The following CCDC88B variants were observed in gnomAD, a reference collection of about 807,000 sequenced individuals.
CCDC88B encodes coiled-coil and HOOK domain protein 88B.
In CCDC88B, 138 loss-of-function variants were observed where a neutral mutation model predicts 183.7. The observed-to-expected ratio is 0.75, with a 90% confidence interval of 0.65 to 0.87. CCDC88B has a LOEUF of 0.87. Ranked by LOEUF, CCDC88B falls within the 40% of genes least tolerant of loss-of-function variation. The pLI, the probability that CCDC88B is intolerant of heterozygous loss-of-function variation, is 0.00. For synonymous variants in CCDC88B, 835 were observed against 867.5 expected (o/e 0.96, Z 0.66); for missense variants, 1,822 against 1,965.6 (o/e 0.93, Z 1.38).
rs2036038072 is a variant in CCDC88B, at chr11:64,344,876, G to A, written c.2335G>A (p.Ala779Thr). 6.2e-7 allele frequency: 1 copy of A among 1,602,784 alleles called. No individual in the cohort carries two copies. Among genetic ancestry groups the A allele is most frequent in the Non-Finnish European group, 8.5e-7 (1 of 1,174,766 alleles). ...LAQARRAEAE[A>T]HREAEAQAWE... is the part of the protein sequence containing the mutation. Reference sequence around the variant, plus strand: ...CCAAGCGCGAAGGGCAGAGGCCGAGGCCCACCGGGAGGCAGAGGCCCAGGC... The same window carrying A: ...CCAAGCGCGAAGGGCAGAGGCCGAGACCCACCGGGAGGCAGAGGCCCAGGC... Residue 779 changes from alanine (A) to threonine (T), a missense_variant, in exon 14 of 27, where the codon GCC (alanine) becomes ACC (threonine). Transcript: ENST00000356786. This position sits in a 1 kb window ranked among gnomAD's most constrained non-coding sequence, Gnocchi z 4.5.
At chr11:64,341,840 TGGGGTTG>T in intron 7 of CCDC88B, 98 bp downstream of exon 7, 1 of 1,337,678 alleles carries the variant, frequency 7.5e-7, no homozygotes. Flanking sequence ...GGCCCAGGCA[TGGGGTTG>T]TGGTCTGAGG....
Position 64,344,913 on chromosome 11 carries a change from C to A in CCDC88B, c.2372C>A (p.Ala791Asp). ...GCAGAGGCCCAGGCCTGGGAGCAAGCCCGGCTGCGGGAGGCAGTGGAGGCT... is the reference window on the plus strand; with the variant it reads ...GCAGAGGCCCAGGCCTGGGAGCAAGACCGGCTGCGGGAGGCAGTGGAGGCT... ...REAEAQAWEQ[A>D]RLREAVEAAG... The change falls in exon 14 of 27, where the codon GCC becomes GAC. Residue 791 changes from alanine (A) to aspartate (D), a missense_variant. By Grantham distance (126) the Ala-to-Asp change is moderately radical (BLOSUM62 -2). Coordinates refer to ENST00000356786, the MANE Select transcript of CCDC88B (RefSeq NM_032251.6). The surrounding 1 kb of genome is among the most constrained non-coding windows in gnomAD (Gnocchi z 4.5). 1 of 1,576,534 alleles carries A rather than the reference C, an allele frequency of 6.3e-7. No homozygotes were observed. The highest frequency in any genetic ancestry group is 8.6e-7 in the Non-Finnish European group (1 of 1,161,136).
Position 64,341,609 on chromosome 11 carries a change from CG to C in CCDC88B, c.547del (p.Ala183ProfsTer27). ...CTTCCTGCGCCCCAGGTGACCCAGCCGGGGGCCGGCGTGGTGCTGGCACTGT... is the reference window on the plus strand; with the variant it reads ...CTTCCTGCGCCCCAGGTGACCCAGCCGGGGCCGGCGTGGTGCTGGCACTGT... ...LAAAIQEVTQ[P>X]GAGVVLALSG... On this transcript the variant is annotated frameshift_variant, in exon 7 of 27. Transcript: ENST00000356786. LOFTEE classifies it high-confidence loss of function. 6.3e-7 allele frequency: 1 copy of C among 1,599,988 alleles called. No individual in the cohort carries two copies.
At chr11:64,348,049 CAAAAAAAA>C (rs551644268) in intron 14 of CCDC88B, among the ~76,000 whole-genome samples, 2 of 70,924 alleles carry the variant, frequency 2.8e-5, no homozygotes, top group African/African-American at 5.8e-5. Flanking sequence ...GACTCCGTCT[CAAAAAAAA>C]AAAAAAAAAA....
rs1249063756 is a variant in CCDC88B, at chr11:64,352,286, C to T, written c.3256C>T (p.Arg1086Trp). The change falls in exon 19 of 27, where the codon CGG becomes TGG. Residue 1086 changes from arginine to tryptophan, a missense_variant. By Grantham distance (101) the Arg-to-Trp change is moderately radical. Coordinates refer to ENST00000356786, the MANE Select transcript of CCDC88B (RefSeq NM_032251.6). ...CCACAAGGCCCTGGCACAGCTGCAG[C>T]GGCGGCAGGAGGCCGAGCTAGAGGG... ...RDHKALAQLQ[R>W]RQEAELEGLL... The T allele has an allele frequency of 4.4e-6, 7 of 1,579,986 alleles. No individual in the cohort carries two copies. The highest frequency in any genetic ancestry group is 1.4e-5 in the African/African-American group (1 of 74,016).
At chr11:64,340,867 T>C in intron 2 of CCDC88B, 40 bp from the exon 3 acceptor site, 1 of 1,536,082 alleles carries the variant, frequency 6.5e-7, no homozygotes. Context: ...CGAGGCCTGT[T>C]GACGGGAGGC....
chr11:64,355,743 C>A, intron 26 of CCDC88B, 115 bp downstream of exon 26: 1 of 1,026,966 alleles, frequency 9.7e-7, no homozygotes, highest in Non-Finnish European at 1.4e-6. Context: ...TGCCAGGTGA[C>A]GTGCTGGCAG....
chr11:64,348,230 G>A (rs2036192271), intron 14 of CCDC88B, among the ~76,000 whole-genome samples: 1 of 151,516 alleles, frequency 6.6e-6, no homozygotes. Flanking sequence ...CCGGCTCCAA[G>A]GACTGAGAGG....
chr11:64,354,463 C>A (rs1441845923), intron 24 of CCDC88B, among the ~76,000 whole-genome samples: 2 of 152,104 alleles, frequency 1.3e-5, no homozygotes, highest in African/African-American at 4.8e-5. Flanking sequence ...TGTTCCTAGA[C>A]TGCAGATGAG....
chr11:64,351,423 C>T, intron 17 of CCDC88B, 53 bp from the exon 18 acceptor site: 2 of 1,550,260 alleles, frequency 1.3e-6, no homozygotes, highest in South Asian at 2.4e-5. Context: ...CTGTGGTAGG[C>T]ACTAGGGGGT....
At chr11:64,341,361 C>A in intron 5 of CCDC88B, 33 bp downstream of exon 5, 1 of 1,613,952 alleles carries the variant, frequency 6.2e-7, no homozygotes, top group Non-Finnish European at 8.5e-7. Context: ...AGGTTAGGGT[C>A]GAGCTTTGGC....
Position 64,341,508 on chromosome 11 carries a change from C to CT in CCDC88B, c.531+5dup. The CT allele has an allele frequency of 6.2e-7, 1 of 1,613,676 alleles. No individual in the cohort carries two copies. The highest frequency in any genetic ancestry group is 8.5e-7 in the Non-Finnish European group (1 of 1,180,002). ...GCTGGCCGCTGCCATCCAGGAGGTA[C>CT]TGAGACGGTTCGGCAGCCCAGACTG... On this transcript the variant is annotated splice_donor_region_variant and intron_variant, in intron 6 of 26. Coordinates refer to ENST00000356786, the MANE Select transcript of CCDC88B (RefSeq NM_032251.6).
chr11:64,347,932 C>T (rs2036176028), intron 14 of CCDC88B, among the ~76,000 whole-genome samples: 2 of 151,592 alleles, frequency 1.3e-5, no homozygotes, highest in South Asian at 4.2e-4. Flanking sequence ...CACCTGTAAT[C>T]CCAGCTACTC....
In CCDC88B at chr11:64,344,957, T is replaced by A. The variant is rs1275526526; in HGVS notation, c.2416T>A (p.Ser806Thr). The change falls in exon 14 of 27, where the codon TCT becomes ACT. Residue 806 changes from serine to threonine, a missense_variant. Transcript: ENST00000356786. The surrounding 1 kb of genome is among the most constrained non-coding windows in gnomAD (Gnocchi z 4.5). ...GGAGGCTGCTGGCCAGGAGCTGGAGTCTGCGTCCCAGGAACGGGAGGCGCT... is the reference window on the plus strand; with the variant it reads ...GGAGGCTGCTGGCCAGGAGCTGGAGACTGCGTCCCAGGAACGGGAGGCGCT... ...AVEAAGQELE[S>T]ASQEREALVE... The A allele has an allele frequency of 6.4e-7, 1 of 1,551,834 alleles. No individual in the cohort carries two copies. Among genetic ancestry groups the A allele is most frequent in the South Asian group, 1.2e-5 (1 of 84,752 alleles).
In CCDC88B at chr11:64,344,750, T is replaced by A; in HGVS notation, c.2209T>A (p.Leu737Met). ...QEALREEVAQ[L>M]RRKAEALGDE... ...GGCCCTCAGGGAGGAGGTGGCACAG[T>A]TGAGGAGAAAGGCTGAGGCCCTTGG... The change falls in exon 14 of 27, where the codon TTG becomes ATG. Residue 737 changes from leucine (L) to methionine (M), a missense_variant. Leu to Met is a conservative substitution (Grantham distance 15). Transcript: ENST00000356786. The surrounding 1 kb of genome is among the most constrained non-coding windows in gnomAD (Gnocchi z 4.5). The A allele has an allele frequency of 1.2e-6, 2 of 1,612,410 alleles. No homozygotes were observed. The highest frequency in any genetic ancestry group is 1.7e-6 in the Non-Finnish European group (2 of 1,179,476).
chr11:64,352,965 T>C, intron 20 of CCDC88B, 78 bp downstream of exon 20: 1 of 1,501,906 alleles, frequency 6.7e-7, no homozygotes, highest in Non-Finnish European at 8.9e-7. Flanking sequence ...GGGTCCTGTC[T>C]GGCCTCCCCT....
chr11:64,355,333 C>T lies in CCDC88B; in HGVS notation c.4239C>T (p.Asp1413=). 6.3e-7 allele frequency: 1 copy of T among 1,592,140 alleles called. No individual in the cohort carries two copies. The highest frequency in any genetic ancestry group is 8.5e-7 in the Non-Finnish European group (1 of 1,170,628). Residue 1413 remains aspartate, a synonymous_variant, in exon 25 of 27, where the codon GAC becomes GAT. Coordinates refer to ENST00000356786, the MANE Select transcript of CCDC88B (RefSeq NM_032251.6). ...GCTCTGAGTCATTCAGCCCTGGGGA[C>T]ACCCCTAGGCAACGATTCCGACAGC... ...GRSSESFSPG[D]TPRQRFRQRH...
At chr11:64,349,750 CCTAGT>C (rs778649162) in intron 16 of CCDC88B, 82 bp downstream of exon 16, 1 of 1,281,426 alleles carries the variant, frequency 7.8e-7, no homozygotes, top group South Asian at 1.3e-5. Flanking sequence ...CATCTGTCCT[CCTAGT>C]CTTGCCTCTG....
Position 64,351,611 on chromosome 11 carries a change from C to G in CCDC88B, c.3094C>G (p.Leu1032Val). Residue 1032 changes from leucine to valine, a missense_variant, in exon 18 of 27, where the codon CTG (leucine) becomes GTG (valine). Leu to Val is a conservative substitution (Grantham distance 32). Coordinates refer to ENST00000356786, the MANE Select transcript of CCDC88B (RefSeq NM_032251.6). Reference protein sequence around the residue: ...SQRAQEHSSRLQAEKSVLEIQ... With the variant: ...SQRAQEHSSRVQAEKSVLEIQ... The stretch of plus-strand genomic sequence containing the variant: ...GCGGGCGCAGGAGCACAGCAGCCGC[C>G]TGCAGGTGGGTGGTGGCCCGGGTGC... The G allele has an allele frequency of 6.4e-7, 1 of 1,563,048 alleles. No homozygotes were observed. Among genetic ancestry groups the G allele is most frequent in the Non-Finnish European group, 8.6e-7 (1 of 1,162,326 alleles).
Sources: gnomAD v4.1 joint callset for allele counts (sites outside exome capture counted in the v4.1 genomes callset) on GRCh38, gnomAD v4.1.1 for gene constraint, Gnocchi (gnomAD v3.1) non-coding constraint, MANE v1.5 for transcripts, NCBI Gene and HGNC (gene_info 2026-07-23, HGNC 2026-07-21) for gene names.